Variants in MYO3B observed in about 807,000 individuals in gnomAD.
MYO3B encodes the protein myosin-IIIb.
A neutral mutation model predicts 174.6 loss-of-function variants in MYO3B; 156 were observed. That is an observed-to-expected ratio of 0.89 (90% CI 0.78 to 1.02). The LOEUF (loss-of-function observed/expected upper bound fraction) is 1.02. Among genes scored for constraint, MYO3B ranks in the 50% least tolerant of loss-of-function variants. The pLI is 0.00. For synonymous variants in MYO3B, 563 were observed against 569.1 expected, an observed-to-expected ratio of 0.99 and a Z score of 0.15; for missense variants, 1,632 against 1,639.4, an observed-to-expected ratio of 1.00 and a Z score of 0.08.
intron 32 of MYO3B, among the ~76,000 whole-genome samples, chr2:170,620,391 C>A (rs1164219515): frequency 6.6e-6 from 1 of 152,170 alleles, no homozygotes; most frequent in Non-Finnish European, 1.5e-5. Flanking sequence ...AGCTCCTCTT[C>A]CATTTATTAA....
chr2:170,216,385 G>A (rs1045530099), intron 5 of MYO3B, among the ~76,000 whole-genome samples: 2 of 152,152 alleles, frequency 1.3e-5, no homozygotes, highest in African/African-American at 2.4e-5. Context: ...AGAACCCTCC[G>A]TGTTAGGTGT....
intron 30 of MYO3B, among the ~76,000 whole-genome samples, chr2:170,523,097 T>C (rs1688784173): frequency 6.6e-6 from 1 of 152,216 alleles, no homozygotes; most frequent in African/African-American, 2.4e-5. Context: ...TCAATCTCTC[T>C]GGTGCTCTTC....
Position 170,383,106 on chromosome 2 carries a change from G to A in MYO3B, c.1102G>A (p.Ala368Thr), listed in dbSNP as rs529894787. The change falls in exon 11 of 35, where the codon GCA becomes ACA. Residue 368 changes from alanine (A) to threonine (T), a missense_variant. Ala to Thr is a moderately conservative substitution (Grantham distance 58, BLOSUM62 0). Coordinates refer to ENST00000408978, the MANE Select transcript of MYO3B (RefSeq NM_138995.5). The stretch of plus-strand genomic sequence containing the variant: ...TATCCATCAGTTGCAGAAACGTTAT[G>A]CAGACTTGCTAATTTACACATATGT... Reference protein sequence around the residue: ...TIIHQLQKRYADLLIYTYVGD... With the variant: ...TIIHQLQKRYTDLLIYTYVGD... 2.5e-6 allele frequency: 4 copies of A among 1,612,866 alleles called. No homozygotes were observed. Among genetic ancestry groups the A allele is most frequent in the Non-Finnish European group, 3.4e-6 (4 of 1,179,218 alleles).
chr2:170,635,553 T>A (rs1697393007), intron 32 of MYO3B, among the ~76,000 whole-genome samples: 1 of 152,130 alleles, frequency 6.6e-6, no homozygotes, highest in Non-Finnish European at 1.5e-5. Flanking sequence ...ACACAACACA[T>A]GTATACATAT....
At chr2:170,301,913 T>A (rs2093668268) in intron 7 of MYO3B, among the ~76,000 whole-genome samples, 2 of 142,712 alleles carry the variant, frequency 1.4e-5, no homozygotes, top group Admixed American at 1.5e-4. Flanking sequence ...AGGCTGGATT[T>A]TCCTTCTCAG....
At chr2:170,265,719 G>A (rs1442793665) in intron 7 of MYO3B, among the ~76,000 whole-genome samples, 1 of 152,202 alleles carries the variant, frequency 6.6e-6, no homozygotes, top group Non-Finnish European at 1.5e-5. Context: ...GTCCTACTGA[G>A]AGTCTCCTTT....
chr2:170,634,438 C>G (rs1697285446), intron 32 of MYO3B, among the ~76,000 whole-genome samples: 1 of 152,054 alleles, frequency 6.6e-6, no homozygotes, highest in South Asian at 2.1e-4. Flanking sequence ...GAAACTGGAT[C>G]CCTTCCTTAC....
At chr2:170,469,156 T>C (rs958938162) in intron 25 of MYO3B, among the ~76,000 whole-genome samples, 3 of 152,162 alleles carry the variant, frequency 2.0e-5, no homozygotes, top group East Asian at 3.9e-4. Context: ...AGAATAGGGC[T>C]GAGTCTAATT....
intron 1 of MYO3B, among the ~76,000 whole-genome samples, chr2:170,180,818 T>G (rs897020497): frequency 2.6e-5 from 4 of 152,174 alleles, no homozygotes; most frequent in African/African-American, 9.7e-5. Flanking sequence ...ATAAAATGAC[T>G]AGAAATGCAA....
chr2:170,589,995 T>G (rs1339942276), intron 32 of MYO3B, among the ~76,000 whole-genome samples: 1 of 152,256 alleles, frequency 6.6e-6, no homozygotes, highest in African/African-American at 2.4e-5. Context: ...TGTAATATGA[T>G]GTACAGGTTT....
Position 170,602,018 on chromosome 2 carries a change from A to G in MYO3B, c.3734-49610A>G. ...ATATAGGTTTTCATTTCTCTTTCAT[A>G]ACGGTCTTTGTCCACCTTTGCCATA... On this transcript the variant is annotated intron_variant, in intron 32 of 34. Transcript: ENST00000408978. The G allele has an allele frequency of 3.3e-6, 3 of 912,888 alleles. No homozygotes were observed. In the South Asian group the frequency reaches 3.9e-5, roughly 12 times the overall value. The allele number at this position is 912,888 out of a possible 1,614,324, so 56.5% of individuals were successfully genotyped here. A position where few individuals can be genotyped will look rare whatever the true frequency, so the allele number is the denominator to read the frequency against.
intron 22 of MYO3B, among the ~76,000 whole-genome samples, chr2:170,436,080 A>G (rs1352401767): frequency 6.6e-6 from 1 of 152,166 alleles, no homozygotes; most frequent in Non-Finnish European, 1.5e-5. Context: ...GATCTTTGTA[A>G]TCTCCAATTC....
intron 24 of MYO3B, among the ~76,000 whole-genome samples, chr2:170,465,855 G>C (rs1160804140): frequency 6.6e-6 from 1 of 152,164 alleles, no homozygotes; most frequent in African/African-American, 2.4e-5. Flanking sequence ...GGTGAGCCCA[G>C]AAGAGCTCCA....
At position 170,363,959 on chromosome 2, in the gene MYO3B, GT is replaced by G. The variant is rs1487429533; in HGVS notation, c.816-5262del. Among the ~76,000 whole-genome samples, 7 of 152,294 alleles carry G rather than the reference GT, an allele frequency of 4.6e-5. No homozygotes were observed. In the East Asian group the frequency reaches 1.3e-3, roughly 29 times the overall value. On this transcript the variant is annotated intron_variant, in intron 8 of 34. Transcript: ENST00000408978. ...TACTTATGATTTGGGGAAAAGTAGT[GT>G]ATCTAAATCTAGTCCTTGCTACTTG...
chr2:170,232,174 A>G (rs1181932225), intron 6 of MYO3B, among the ~76,000 whole-genome samples: 2 of 152,218 alleles, frequency 1.3e-5, no homozygotes, highest in Non-Finnish European at 2.9e-5. Context: ...GGGAAGAAAG[A>G]CCATTCGACC....
At chr2:170,319,110 T>C (rs1167069542) in intron 7 of MYO3B, among the ~76,000 whole-genome samples, 4 of 152,212 alleles carry the variant, frequency 2.6e-5, no homozygotes, top group Non-Finnish European at 1.5e-5. Flanking sequence ...GTTATTGGGA[T>C]GCTTATTTTA....
chr2:170,413,598 A>G (rs2094559384), intron 22 of MYO3B, among the ~76,000 whole-genome samples: 1 of 152,200 alleles, frequency 6.6e-6, no homozygotes, highest in Non-Finnish European at 1.5e-5. Flanking sequence ...ATATCTGTGT[A>G]TGAATAGGTG....
chr2:170,438,218 C>T (rs1017538781), intron 22 of MYO3B, among the ~76,000 whole-genome samples: 1 of 152,226 alleles, frequency 6.6e-6, no homozygotes, highest in Non-Finnish European at 1.5e-5. Flanking sequence ...CTTAGCCTAA[C>T]GTCCTCCAGG....
chr2:170,228,393 A>T (rs920993481), intron 6 of MYO3B, among the ~76,000 whole-genome samples: 1 of 152,220 alleles, frequency 6.6e-6, no homozygotes, highest in African/African-American at 2.4e-5. Context: ...TCTCTGTATG[A>T]GGAAGCTCTG....
Sources: allele counts gnomAD v4.1 joint callset (sites outside exome capture counted in the v4.1 genomes callset), GRCh38; gene constraint gnomAD v4.1.1; transcripts MANE v1.5; gene names NCBI Gene and HGNC (gene_info 2026-07-23, HGNC 2026-07-21).